PKD1L1: variants seen among roughly 807,000 people sequenced by gnomAD.
PKD1L1 encodes the protein polycystin 1 like 1, transient receptor potential channel interacting.
A neutral mutation model predicts 323.4 loss-of-function variants in PKD1L1; 236 were observed. The ratio of observed to expected loss-of-function variants is 0.73; its 90% CI spans 0.66 to 0.81. The LOEUF (loss-of-function observed/expected upper bound fraction) is 0.81. Ranked by LOEUF, PKD1L1 falls within the 40% of genes least tolerant of loss-of-function variation. The pLI, the probability that PKD1L1 is intolerant of heterozygous loss-of-function variation, is 0.00. For missense variants in PKD1L1, 3,320 were observed against 3,508.0 expected, an observed-to-expected ratio of 0.95 and a Z score of 1.35; for synonymous variants, 1,344 against 1,335.0, an observed-to-expected ratio of 1.01 and a Z score of -0.15.
chr7:47,872,249 T>C (rs901099054), intron 24 of PKD1L1, among the ~76,000 whole-genome samples: 1 of 152,152 alleles, frequency 6.6e-6, no homozygotes, highest in Non-Finnish European at 1.5e-5. Context: ...CCAAAGCCAT[T>C]GTCCCATGCC....
intron 20 of PKD1L1, among the ~76,000 whole-genome samples, chr7:47,881,110 T>C (rs186837953): frequency 4.6e-5 from 7 of 152,198 alleles, no homozygotes; most frequent in Admixed American, 1.3e-4. Flanking sequence ...ATTATGTTCA[T>C]GTTTAATTTG....
intron 26 of PKD1L1, among the ~76,000 whole-genome samples, chr7:47,864,606 T>TTC (rs1371608427): frequency 1.5e-5 from 2 of 136,178 alleles, no homozygotes; most frequent in Non-Finnish European, 3.1e-5. Context: ...CTTTCTTTCT[T>TTC]TCTTTCTTTC....
At chr7:47,888,963 C>T in intron 16 of PKD1L1, among the ~76,000 whole-genome samples, 1 of 152,164 alleles carries the variant, frequency 6.6e-6, no homozygotes, top group East Asian at 1.9e-4. Flanking sequence ...CCCATGCAAA[C>T]ATCCTATACT....
intron 31 of PKD1L1, among the ~76,000 whole-genome samples, chr7:47,849,717 G>A (rs1785739207): frequency 1.3e-5 from 2 of 152,130 alleles, no homozygotes; most frequent in Admixed American, 1.3e-4. Context: ...GGTGAAAAGG[G>A]AATACTTTTA....
chr7:47,859,242 T>C (rs1028847564), intron 26 of PKD1L1, among the ~76,000 whole-genome samples: 3 of 152,116 alleles, frequency 2.0e-5, no homozygotes, highest in Non-Finnish European at 4.4e-5. Flanking sequence ...CAACGACCAC[T>C]TTGCAAATCC....
At chr7:47,894,668 C>T (rs534774726) in intron 14 of PKD1L1, among the ~76,000 whole-genome samples, 23 of 151,870 alleles carry the variant, frequency 1.5e-4, no homozygotes, top group African/African-American at 3.9e-4. Flanking sequence ...CTGGGCAACA[C>T]GGTGAAACCT....
intron 56 of PKD1L1, among the ~76,000 whole-genome samples, chr7:47,775,930 A>ATGT (rs1280560087): frequency 6.6e-6 from 1 of 152,162 alleles, no homozygotes; most frequent in Non-Finnish European, 1.5e-5. Context: ...AGACACAAAT[A>ATGT]TGTTGTCTTT....
intron 14 of PKD1L1, among the ~76,000 whole-genome samples, chr7:47,894,759 A>G (rs7805750): frequency 0.99 from 150,871 of 151,822 alleles, 74,971 homozygotes; most frequent in East Asian, 1. Flanking sequence ...GCAGAGGCAC[A>G]AGAATCGCTT....
Position 47,827,436 on chromosome 7 carries a change from C to G in PKD1L1, c.6768G>C (p.Leu2256=). 2 of 1,612,210 alleles carry G rather than the reference C, an allele frequency of 1.2e-6. No homozygotes were observed. Among genetic ancestry groups the G allele is most frequent in the Non-Finnish European group, 1.7e-6 (2 of 1,179,662 alleles). Residue 2256 remains leucine, a synonymous_variant, in exon 45 of 57, where the codon CTG becomes CTC. Coordinates refer to ENST00000289672, the MANE Select transcript of PKD1L1 (RefSeq NM_138295.5). ...CCTTGGATGGTGGATGCGCCCAGCGCAGGTGGCGAGCTTGTTGTCGGGCAG... is the reference window on the plus strand; with the variant it reads ...CCTTGGATGGTGGATGCGCCCAGCGGAGGTGGCGAGCTTGTTGTCGGGCAG... ...VLAARQQARH[L]RWAHPPSKAQ... is the part of the protein sequence containing the mutation.
chr7:47,885,568 T>G, intron 18 of PKD1L1, 118 bp downstream of exon 18: 2 of 1,376,932 alleles, frequency 1.5e-6, no homozygotes. Context: ...CCTGGCGCTT[T>G]CTGATTTAAA....
chr7:47,947,907 G>A (rs942897685), intron 1 of PKD1L1, among the ~76,000 whole-genome samples: 3 of 152,106 alleles, frequency 2.0e-5, no homozygotes, highest in African/African-American at 2.4e-5. Context: ...GGCAGAGCTT[G>A]CAGTGAGCCA....
rs781388062 is a variant in PKD1L1, at chr7:47,837,042, G to A, written c.5822C>T (p.Ser1941Leu). The change falls in exon 37 of 57, where the codon TCG becomes TTG. Residue 1941 changes from serine (S) to leucine (L), a missense_variant. Transcript: ENST00000289672. ...EYLEDFHVWL[S>L]VYSRPSSSRY... is the part of the protein sequence containing the mutation. ...GCTGGAGGAGGGCCTGCTGTACACC[G>A]ACAGCCAGACATGGAAATCCTCCAG... 3 of 1,614,108 alleles carry A rather than the reference G, an allele frequency of 1.9e-6. No homozygotes were observed. The highest frequency in any genetic ancestry group is 2.2e-5 in the East Asian group (1 of 44,890).
intron 1 of PKD1L1, among the ~76,000 whole-genome samples, chr7:47,947,919 G>T (rs1472185495): frequency 1.3e-5 from 2 of 151,876 alleles, no homozygotes; most frequent in Non-Finnish European, 2.9e-5. Context: ...AGTGAGCCAA[G>T]ATCGCACCTC....
intron 55 of PKD1L1, among the ~76,000 whole-genome samples, chr7:47,794,741 G>A (rs1339493881): frequency 1.3e-5 from 2 of 152,180 alleles, no homozygotes; most frequent in African/African-American, 2.4e-5. Context: ...GAAGGAGGCT[G>A]TACCCTGCAA....
At chr7:47,880,282 A>ATTTTTTTTT (rs1309864473) in intron 21 of PKD1L1, among the ~76,000 whole-genome samples, 2 of 69,720 alleles carry the variant, frequency 2.9e-5, no homozygotes, top group South Asian at 5.5e-4. Context: ...ATATATATAT[A>ATTTTTTTTT]TATTTTTTTT....
At chr7:47,811,289 G>A (rs1784888604) in intron 50 of PKD1L1, among the ~76,000 whole-genome samples, 2 of 152,016 alleles carry the variant, frequency 1.3e-5, no homozygotes, top group Admixed American at 1.3e-4. Context: ...CAAGTAGTTG[G>A]GATTACAGGT....
At position 47,915,509 on chromosome 7, in the gene PKD1L1, C is replaced by CACAA. The variant is rs753050217; in HGVS notation, c.1147_1150dup (p.Cys384PhefsTer5). 6.8e-7 allele frequency: 1 copy of CACAA among 1,463,094 alleles called. No individual in the cohort carries two copies. Among genetic ancestry groups the CACAA allele is most frequent in the South Asian group, 1.1e-5 (1 of 87,984 alleles). 90.6% of individuals were successfully genotyped at this position (1,463,094 alleles called of 1,614,324 possible). ...TTCCAGGCAGCTGTTTTCACTTTGG[C>CACAA]ACAAGTAAACATTTAAAGTTGTATT... On this transcript the variant is annotated frameshift_variant, in exon 8 of 57. Coordinates refer to ENST00000289672, the MANE Select transcript of PKD1L1 (RefSeq NM_138295.5). LOFTEE classifies it high-confidence loss of function.
At chr7:47,796,812 C>G (rs1305002106) in intron 54 of PKD1L1, among the ~76,000 whole-genome samples, 3 of 136,188 alleles carry the variant, frequency 2.2e-5, no homozygotes, top group Non-Finnish European at 4.7e-5. Context: ...ATGGTGAAAC[C>G]CTGTCTCTCC....
intron 48 of PKD1L1, 51 bp downstream of exon 48, chr7:47,813,880 C>T (rs779639075): frequency 2.0e-6 from 3 of 1,508,548 alleles, no homozygotes; most frequent in Non-Finnish European, 2.8e-6. Context: ...GTTGCCTAGA[C>T]TTCTCTAATT....
Sources: gnomAD v4.1 joint callset for allele counts (sites outside exome capture counted in the v4.1 genomes callset) on GRCh38, gnomAD v4.1.1 for gene constraint, MANE v1.5 for transcripts, NCBI Gene and HGNC (gene_info 2026-07-23, HGNC 2026-07-21) for gene names.